The following ITPRID1 variants were observed in gnomAD, a reference collection of about 807,000 sequenced individuals.
ITPRID1 encodes the protein protein ITPRID1.
In ITPRID1, 96 loss-of-function variants were observed where a neutral mutation model predicts 95.4. The ratio of observed to expected loss-of-function variants is 1.01; its 90% CI spans 0.85 to 1.19. The LOEUF (loss-of-function observed/expected upper bound fraction) is 1.19. Ranked by LOEUF, ITPRID1 falls within the 50% of genes most tolerant of loss-of-function variation. The pLI is 0.00. For synonymous variants in ITPRID1, 510 were observed against 453.6 expected (o/e 1.12, Z -1.58); for missense variants, 1,339 against 1,252.9 (o/e 1.07, Z -1.04).
At chr7:31,631,976 G>A (rs965975351) in intron 10 of ITPRID1, among the ~76,000 whole-genome samples, 2 of 152,152 alleles carry the variant, frequency 1.3e-5, no homozygotes, top group Non-Finnish European at 2.9e-5. Context: ...GCACAGCAGA[G>A]GGCCCTGCAG....
At chr7:31,520,544 TGTGTGTGTGTGTGTGTGTGTGAGA>T (rs1248031003) in intron 1 of ITPRID1, among the ~76,000 whole-genome samples, 65 of 73,170 alleles carry the variant, frequency 8.9e-4, no homozygotes, top group African/African-American at 4.4e-3. Context: ...TGTGTGTGTG[TGTGTGTGTGTGTGTGTGTGTGAGA>T]GAGAGAGAGA....
Position 31,637,289 on chromosome 7 carries a change from G to C in ITPRID1, c.1229-4887G>C, listed in dbSNP as rs369121714. Among the ~76,000 whole-genome samples the C allele has an allele frequency of 6.9e-4, 105 of 152,162 alleles. 1 individual carries two copies. The highest frequency in any genetic ancestry group is 2.1e-3 in the African/African-American group (86 of 41,518). On this transcript the variant is annotated intron_variant, in intron 10 of 14. Coordinates refer to ENST00000615280, the MANE Select transcript of ITPRID1 (RefSeq NM_001257967.3). ...GCTGGGTCAAATGGTATTTCTAGTT[G>C]TAGATCCCTGAGGAATCGCCACACT...
chr7:31,523,210 G>A (rs146162273), intron 1 of ITPRID1, among the ~76,000 whole-genome samples: 278 of 152,248 alleles, frequency 1.8e-3, no homozygotes, highest in Admixed American at 3.7e-3. Context: ...TTGCTAAATC[G>A]CAGACAAAAG....
chr7:31,608,308 GTTCTT>G (rs1786716997), intron 10 of ITPRID1, among the ~76,000 whole-genome samples: 1 of 151,800 alleles, frequency 6.6e-6, no homozygotes, highest in Non-Finnish European at 1.5e-5. Context: ...TTTCACCTTT[GTTCTT>G]CTTTTTCATG....
At chr7:31,658,418 T>A (rs1791391057), downstream of ITPRID1, 1 of 1,481,872 alleles carries the variant, frequency 6.7e-7, no homozygotes, top group Non-Finnish European at 8.9e-7. Flanking sequence ...GAGAAAATAA[T>A]CAGTTTCCAG....
intron 1 of ITPRID1, among the ~76,000 whole-genome samples, chr7:31,542,519 T>C (rs1783966105): frequency 6.6e-6 from 1 of 152,194 alleles, no homozygotes; most frequent in Non-Finnish European, 1.5e-5. Context: ...AAATTCTCTT[T>C]TCTTTAATAT....
Position 31,656,049 on chromosome 7 carries a change from C to T in ITPRID1, c.*3220C>T. ...AGTATCTCACCAGTAAGTCCTAGGG[C>T]AGACCCCATCTCCTACACAGGCTTT... On this transcript the variant is annotated 3_prime_UTR_variant, in exon 15 of 15. Coordinates refer to ENST00000615280, the MANE Select transcript of ITPRID1 (RefSeq NM_001257967.3). The T allele has an allele frequency of 2.0e-6, 2 of 975,774 alleles. No individual in the cohort carries two copies. The highest frequency in any genetic ancestry group is 2.4e-6 in the Non-Finnish European group (2 of 821,086). The allele number at this position is 975,774 out of a possible 1,614,324, so 60.4% of individuals were successfully genotyped here.
chr7:31,620,315 TCCCTGAC>T (rs1204372828), intron 10 of ITPRID1, among the ~76,000 whole-genome samples: 167 of 152,030 alleles, frequency 1.1e-3, no homozygotes, highest in Middle Eastern at 0.01. Flanking sequence ...CTCAAGTGGG[TCCCTGAC>T]CCCTGACCCC....
intron 10 of ITPRID1, among the ~76,000 whole-genome samples, chr7:31,598,426 C>T (rs1260375391): frequency 8.1e-4 from 87 of 107,140 alleles, no homozygotes; most frequent in African/African-American, 3.0e-3. Flanking sequence ...TTTTTTGAGA[C>T]GGAGTCTCGC....
chr7:31,598,649 C>T (rs564363639), intron 10 of ITPRID1, among the ~76,000 whole-genome samples: 18 of 152,090 alleles, frequency 1.2e-4, no homozygotes, highest in African/African-American at 3.6e-4. Flanking sequence ...GTGATCCGCC[C>T]GCCTTGGCCT....
intron 10 of ITPRID1, among the ~76,000 whole-genome samples, chr7:31,598,283 G>T (rs1237357769): frequency 6.6e-6 from 1 of 151,614 alleles, no homozygotes; most frequent in Non-Finnish European, 1.5e-5. Flanking sequence ...GTCAACATTG[G>T]TTCATCAAAG....
At chr7:31,584,210 G>A (rs958168506) in intron 10 of ITPRID1, among the ~76,000 whole-genome samples, 2 of 152,120 alleles carry the variant, frequency 1.3e-5, no homozygotes, top group East Asian at 1.9e-4. Context: ...AAGAAAATAT[G>A]CAAATTTTTA....
chr7:31,656,838 T>C (rs901660541), downstream of ITPRID1, among the ~76,000 whole-genome samples: 3 of 151,846 alleles, frequency 2.0e-5, no homozygotes, highest in Non-Finnish European at 4.4e-5. Context: ...TTTACTCTCC[T>C]AATTCTCCAA....
At chr7:31,549,387 A>G in intron 1 of ITPRID1, 39 bp from the exon 2 acceptor site, 1 of 1,321,062 alleles carries the variant, frequency 7.6e-7, no homozygotes, top group African/African-American at 1.5e-5. Context: ...CTGTGAGACA[A>G]ATGATTGCAT....
intron 5 of ITPRID1, among the ~76,000 whole-genome samples, chr7:31,567,923 C>A (rs1460114696): frequency 6.6e-6 from 1 of 152,044 alleles, no homozygotes; most frequent in Non-Finnish European, 1.5e-5. Context: ...GCCAGGAGTT[C>A]CAGACCAGCC....
At chr7:31,564,957 A>G (rs528776121) in intron 5 of ITPRID1, among the ~76,000 whole-genome samples, 1 of 152,298 alleles carries the variant, frequency 6.6e-6, no homozygotes, top group African/African-American at 2.4e-5. Flanking sequence ...GTTCATTATT[A>G]AGAACAGGCA....
rs60891720 is a variant in ITPRID1, at chr7:31,550,200, C to CTTT, written c.-24+714_-24+716dup. Among the ~76,000 whole-genome samples the CTTT allele has an allele frequency of 4.5e-3, 621 of 136,928 alleles. 6 individuals carry two copies. The highest frequency in any genetic ancestry group is 0.015 in the African/African-American group (556 of 36,926). The allele number at this position is 136,928 out of a possible 152,430, so 89.8% of individuals were successfully genotyped here. On this transcript the variant is annotated intron_variant, in intron 2 of 14. Coordinates refer to ENST00000615280, the MANE Select transcript of ITPRID1 (RefSeq NM_001257967.3). Reference sequence around the variant, plus strand: ...TAGTGCATATACAGTTTTGCATCCTCTTTTTTTTTTTTTTTGGTTAAACGT... The same window carrying CTTT: ...TAGTGCATATACAGTTTTGCATCCTCTTTTTTTTTTTTTTTTTTGGTTAAACGT...
chr7:31,638,327 A>G (rs886276403), intron 10 of ITPRID1, among the ~76,000 whole-genome samples: 1 of 152,176 alleles, frequency 6.6e-6, no homozygotes, highest in Non-Finnish European at 1.5e-5. Flanking sequence ...AGTATACACT[A>G]TTTCCTCTGA....
At chr7:31,553,292 C>A in intron 3 of ITPRID1, 105 bp downstream of exon 3, 2 of 1,063,334 alleles carry the variant, frequency 1.9e-6, no homozygotes, top group Non-Finnish European at 2.7e-6. Flanking sequence ...AAGTATTTGG[C>A]TTTGAATATA....
Sources: allele counts gnomAD v4.1 joint callset (sites outside exome capture counted in the v4.1 genomes callset), GRCh38; gene constraint gnomAD v4.1.1; transcripts MANE v1.5; gene names NCBI Gene and HGNC (gene_info 2026-07-23, HGNC 2026-07-21).